The following SYCP2 variants were observed in gnomAD, a reference collection of about 807,000 sequenced individuals.
SYCP2 encodes synaptonemal complex lateral element protein.
Under a neutral mutation model 211.3 loss-of-function variants are expected in SYCP2, and 55 were observed. The observed-to-expected ratio is 0.26, with a 90% confidence interval of 0.21 to 0.33. The LOEUF is 0.33. SYCP2 is among the 10% of genes least tolerant of loss of function. The pLI is 1.00. For missense variants in SYCP2, 1,731 were observed against 1,752.0 expected, an observed-to-expected ratio of 0.99 and a Z score of 0.21; for synonymous variants, 570 against 555.2, an observed-to-expected ratio of 1.03 and a Z score of -0.37.
chr20:59,889,659 AG>A (rs2059865787), intron 24 of SYCP2, among the ~76,000 whole-genome samples: 1 of 152,008 alleles, frequency 6.6e-6, no homozygotes, highest in Non-Finnish European at 1.5e-5. Context: ...TGTCCCCTTA[AG>A]ATTATCGGAG....
intron 18 of SYCP2, among the ~76,000 whole-genome samples, chr20:59,899,587 T>C (rs1183547217): frequency 2.6e-5 from 4 of 152,090 alleles, no homozygotes; most frequent in East Asian, 3.9e-4. Context: ...AATGTAGTAA[T>C]AGAAGCAGAA....
At position 59,915,507 on chromosome 20, in the gene SYCP2, T is replaced by C. The variant is rs769626701; in HGVS notation, c.557A>G (p.Asp186Gly). ...TTGGTTAGAGAGTATTTTCCGGGCA[T>C]CTTGAGGCATTTTGTCAAGCATAGC... ...MNAMLDKMPQ[D>G]ARKILSNQEM... is the part of the protein sequence containing the mutation. Residue 186 changes from aspartate (D) to glycine (G), a missense_variant, in exon 9 of 45, where the codon GAT (aspartate) becomes GGT (glycine). This residue lies in a region of SYCP2 where 335 missense variants were observed against 378.8 expected (regional missense o/e 0.88). Coordinates refer to ENST00000357552, the MANE Select transcript of SYCP2 (RefSeq NM_014258.4). 1 of 1,610,856 alleles carries C rather than the reference T, an allele frequency of 6.2e-7. No homozygotes were observed. Among genetic ancestry groups the C allele is most frequent in the South Asian group, 1.1e-5 (1 of 90,936 alleles).
At position 59,897,746 on chromosome 20, in the gene SYCP2, G is replaced by C. The variant is rs74782902; in HGVS notation, c.1405-1218C>G. Among the ~76,000 whole-genome samples the C allele has an allele frequency of 6.2e-3, 940 of 152,192 alleles. 11 individuals are homozygous for C. Among genetic ancestry groups the C allele is most frequent in the African/African-American group, 0.021 (886 of 41,522 alleles). Reference sequence around the variant, plus strand: ...GAGAGTTATAGTTACGTAAAGGTGAGAGATTAGTAAAAACTGAAATAATCA... The same window carrying C: ...GAGAGTTATAGTTACGTAAAGGTGACAGATTAGTAAAAACTGAAATAATCA... On this transcript the variant is annotated intron_variant, in intron 18 of 44. Transcript: ENST00000357552.
At chr20:59,867,520 G>C (rs2059374328) in intron 39 of SYCP2, among the ~76,000 whole-genome samples, 191 bp downstream of exon 39, 1 of 149,764 alleles carries the variant, frequency 6.7e-6, no homozygotes, top group Non-Finnish European at 1.5e-5. Flanking sequence ...GGACAAAAGA[G>C]AAAAAAGTAG....
intron 35 of SYCP2, among the ~76,000 whole-genome samples, chr20:59,870,219 C>A (rs2059424072): frequency 6.6e-6 from 1 of 151,658 alleles, no homozygotes; most frequent in South Asian, 2.1e-4. Flanking sequence ...TTTCTATGCT[C>A]CAGAGGTCAA....
intron 1 of SYCP2, among the ~76,000 whole-genome samples, chr20:59,933,002 C>CCT (rs138970862): frequency 0.046 from 7,067 of 152,104 alleles, 248 homozygotes; most frequent in African/African-American, 0.097. Context: ...CACGGTGACC[C>CCT]TTTTCCCAGG....
intron 24 of SYCP2, among the ~76,000 whole-genome samples, chr20:59,887,279 A>G (rs930394063): frequency 1.3e-5 from 2 of 151,988 alleles, no homozygotes; most frequent in Non-Finnish European, 2.9e-5. Context: ...TAGTTTGCTG[A>G]GAATGATGGT....
At chr20:59,872,777 G>A (rs533786696) in intron 35 of SYCP2, among the ~76,000 whole-genome samples, 2 of 152,090 alleles carry the variant, frequency 1.3e-5, no homozygotes, top group African/African-American at 4.8e-5. Flanking sequence ...TTCTAGATCT[G>A]AATAGGCTTA....
At chr20:59,880,160 C>A in intron 31 of SYCP2, 143 bp downstream of exon 31, 5 of 628,422 alleles carry the variant, frequency 8.0e-6, no homozygotes, top group South Asian at 2.5e-5. Context: ...AAACAAAAAA[C>A]ATAAAAACTA....
intron 18 of SYCP2, among the ~76,000 whole-genome samples, chr20:59,897,628 T>C (rs1001812330): frequency 6.6e-6 from 1 of 152,026 alleles, no homozygotes; most frequent in Non-Finnish European, 1.5e-5. Context: ...GTGCTAATTA[T>C]CTCGGGGAAA....
At chr20:59,871,594 G>A (rs763105170) in intron 35 of SYCP2, among the ~76,000 whole-genome samples, 1 of 151,848 alleles carries the variant, frequency 6.6e-6, no homozygotes. Context: ...ATTAAAGGAT[G>A]CGGGGGAAAA....
chr20:59,893,373 T>C (rs1298468693), intron 21 of SYCP2, 151 bp downstream of exon 21: 2 of 756,456 alleles, frequency 2.6e-6, no homozygotes, highest in Non-Finnish European at 4.2e-6. Context: ...TATATTTCCT[T>C]GTAACCTCAA....
chr20:59,881,412 A>G, intron 29 of SYCP2, 25 bp downstream of exon 29: 1 of 1,291,118 alleles, frequency 7.7e-7, no homozygotes, highest in Middle Eastern at 2.3e-4. Context: ...AGATCAGAAT[A>G]TTTTAATCTA....
chr20:59,884,356 A>G (rs1448085492), intron 26 of SYCP2, among the ~76,000 whole-genome samples: 4 of 152,068 alleles, frequency 2.6e-5, no homozygotes, highest in Non-Finnish European at 5.9e-5. Context: ...AACTAAAAAT[A>G]TATTCAACCA....
intron 18 of SYCP2, among the ~76,000 whole-genome samples, chr20:59,897,221 T>C (rs780657289): frequency 1.3e-5 from 2 of 152,138 alleles, no homozygotes; most frequent in Non-Finnish European, 2.9e-5. Context: ...TTAAGGCACC[T>C]GTCCCTAGAA....
At chr20:59,921,264 T>C in intron 4 of SYCP2, 46 bp downstream of exon 4, 2 of 1,529,634 alleles carry the variant, frequency 1.3e-6, no homozygotes, top group Non-Finnish European at 1.8e-6. Flanking sequence ...AAACTAGAGT[T>C]CTATCTAATA....
intron 4 of SYCP2, 31 bp downstream of exon 4, chr20:59,921,279 T>A (rs376250741): frequency 7.2e-5 from 113 of 1,562,130 alleles, no homozygotes; most frequent in Non-Finnish European, 8.8e-5. Context: ...CTAATAATTG[T>A]AACAATCATT....
intron 2 of SYCP2, among the ~76,000 whole-genome samples, chr20:59,923,541 A>T (rs1315475118): frequency 6.6e-6 from 1 of 151,718 alleles, no homozygotes; most frequent in Non-Finnish European, 1.5e-5. Flanking sequence ...TCTACAAAAA[A>T]ATTTTTTTTT....
chr20:59,911,928 G>C, intron 13 of SYCP2, 83 bp from the exon 14 acceptor site: 1 of 555,484 alleles, frequency 1.8e-6, no homozygotes, highest in Non-Finnish European at 3.0e-6. Flanking sequence ...CATGGCTAAA[G>C]CAAGAAAACA....
Sources: allele counts gnomAD v4.1 joint callset (sites outside exome capture counted in the v4.1 genomes callset), GRCh38; gene constraint gnomAD v4.1.1; regional missense constraint gnomAD v4.1.1; transcripts MANE v1.5; gene names NCBI Gene and HGNC (gene_info 2026-07-23, HGNC 2026-07-21).